VPS54: variants seen among roughly 807,000 people sequenced by gnomAD.
The protein encoded by VPS54 is VPS54 subunit of GARP complex, also known as vacuolar protein sorting-associated protein 54.
Under a neutral mutation model 121.5 loss-of-function variants are expected in VPS54, and 45 were observed. The ratio of observed to expected loss-of-function variants is 0.37; its 90% CI spans 0.29 to 0.47. VPS54 has a LOEUF of 0.47. VPS54 is among the 20% of genes least tolerant of loss of function. The pLI, the probability that VPS54 is intolerant of heterozygous loss-of-function variation, is 0.99. For synonymous variants in VPS54, 371 were observed against 385.8 expected (o/e 0.96, Z 0.45); for missense variants, 1,090 against 1,131.4 (o/e 0.96, Z 0.52).
intron 7 of VPS54, among the ~76,000 whole-genome samples, chr2:63,959,753 G>C (rs982844868): frequency 6.6e-6 from 1 of 152,100 alleles, no homozygotes; most frequent in African/African-American, 2.4e-5. Flanking sequence ...AGGCACGGTA[G>C]CTCACACTTG....
chr2:63,987,809 G>A (rs1234828339), intron 1 of VPS54, among the ~76,000 whole-genome samples: 1 of 151,994 alleles, frequency 6.6e-6, no homozygotes, highest in African/African-American at 2.4e-5. Context: ...TTACTTTCTT[G>A]ATTTCTTTTT....
intron 16 of VPS54, among the ~76,000 whole-genome samples, chr2:63,914,720 A>G (rs1021987236): frequency 1.3e-5 from 2 of 152,146 alleles, no homozygotes; most frequent in East Asian, 3.8e-4. Context: ...GTCCTCCATC[A>G]TAACTAATGA....
intron 11 of VPS54, among the ~76,000 whole-genome samples, chr2:63,941,768 C>T (rs1674741440): frequency 6.6e-6 from 1 of 152,108 alleles, no homozygotes; most frequent in South Asian, 2.1e-4. Flanking sequence ...GGCACAGTGG[C>T]TCACACCTAT....
At position 63,981,988 on chromosome 2, in the gene VPS54, G is replaced by A. The variant is rs1327696375; in HGVS notation, c.137-101C>T. 5.4e-5 allele frequency: 66 copies of A among 1,227,380 alleles called. 1 individual carries two copies. The highest frequency in any genetic ancestry group is 4.9e-4 in the South Asian group (26 of 53,374). The allele number at this position is 1,227,380 out of a possible 1,614,324, so 76.0% of individuals were successfully genotyped here. On this transcript the variant is annotated intron_variant, in intron 2 of 22. Coordinates refer to ENST00000272322, the MANE Select transcript of VPS54 (RefSeq NM_016516.3). ...TAAAAATGCACAGATTCCATCTTAC[G>A]CAAACCAACTAATCTTCCACAGTAA...
intron 11 of VPS54, among the ~76,000 whole-genome samples, chr2:63,937,689 T>A (rs1674514018): frequency 6.6e-6 from 1 of 152,200 alleles, no homozygotes; most frequent in Non-Finnish European, 1.5e-5. Flanking sequence ...GATATTTGCA[T>A]ATGCATGTTC....
intron 2 of VPS54, 36 bp from the exon 3 acceptor site, chr2:63,981,923 G>A: frequency 6.4e-7 from 1 of 1,571,836 alleles, no homozygotes; most frequent in Non-Finnish European, 8.6e-7. Context: ...TGTAAATGCT[G>A]TAAAATTGGT....
rs1427163274 is a variant in VPS54 at position 63,933,890 on chromosome 2, C to T, written c.1522G>A (p.Val508Met). 3.1e-6 allele frequency: 5 copies of T among 1,613,766 alleles called. No homozygotes were observed. The highest frequency in any genetic ancestry group is 4.2e-6 in the Non-Finnish European group (5 of 1,179,818). Residue 508 changes from valine (V) to methionine (M), a missense_variant, in exon 12 of 23, where the codon GTG (valine) becomes ATG (methionine). Val to Met is a conservative substitution (Grantham distance 21). Around this residue, in one of 2 missense-constraint regions of VPS54, gnomAD observed 801 missense variants for 757.0 expected, o/e 1.06. Coordinates refer to ENST00000272322, the MANE Select transcript of VPS54 (RefSeq NM_016516.3). Reference protein sequence around the residue: ...AAKDNSLDTEVAYLIHEGMFI... With the variant: ...AAKDNSLDTEMAYLIHEGMFI... ...ATGCCTTCATGGATTAAATAAGCCA[C>T]CTCTGTGTCCAGTGAATTATCTTTT...
At chr2:63,906,372 T>C (rs1319145505) in intron 20 of VPS54, among the ~76,000 whole-genome samples, 2 of 152,198 alleles carry the variant, frequency 1.3e-5, no homozygotes, top group African/African-American at 4.8e-5. Context: ...TGTTTCAATA[T>C]ATTAGCATTG....
intron 1 of VPS54, among the ~76,000 whole-genome samples, chr2:64,002,384 G>A (rs948120743): frequency 1.3e-5 from 2 of 152,148 alleles, no homozygotes; most frequent in African/African-American, 2.4e-5. Context: ...CTATGGAGGG[G>A]GACATCCAGT....
intron 16 of VPS54, among the ~76,000 whole-genome samples, chr2:63,916,543 T>A (rs562603351): frequency 9.9e-5 from 15 of 152,128 alleles, no homozygotes; most frequent in Non-Finnish European, 1.9e-4. Flanking sequence ...TAAACTATTA[T>A]GCTATAATAC....
At chr2:63,987,932 G>T (rs572799426) in intron 1 of VPS54, among the ~76,000 whole-genome samples, 2 of 151,972 alleles carry the variant, frequency 1.3e-5, no homozygotes, top group African/African-American at 4.8e-5. Context: ...GAATTCTTTA[G>T]GTTTATCCAA....
intron 20 of VPS54, among the ~76,000 whole-genome samples, chr2:63,902,954 TGA>T (rs1467027158): frequency 6.6e-6 from 1 of 151,174 alleles, no homozygotes; most frequent in African/African-American, 2.4e-5. Flanking sequence ...GGCGAAAGAG[TGA>T]GACTGTCTCA....
chr2:63,990,334 C>G (rs1677259532), intron 1 of VPS54, among the ~76,000 whole-genome samples: 1 of 151,962 alleles, frequency 6.6e-6, no homozygotes, highest in Admixed American at 6.6e-5. Flanking sequence ...GGCCACGACT[C>G]AGACAGCCCG....
At chr2:63,973,670 A>G (rs1316972613) in intron 3 of VPS54, among the ~76,000 whole-genome samples, 1 of 152,154 alleles carries the variant, frequency 6.6e-6, no homozygotes, top group Non-Finnish European at 1.5e-5. Flanking sequence ...CCTCCAGAGC[A>G]GCTAGGACTA....
At chr2:63,937,339 T>A (rs1674499598) in intron 11 of VPS54, among the ~76,000 whole-genome samples, 1 of 151,512 alleles carries the variant, frequency 6.6e-6, no homozygotes, top group Non-Finnish European at 1.5e-5. Context: ...AATAGGCAAA[T>A]AAAATATTTT....
chr2:64,019,405 G>T lies in VPS54; in HGVS notation c.-488C>A, dbSNP rs1033547821. On this transcript the variant is annotated 5_prime_UTR_variant, in exon 1 of 23. Transcript: ENST00000272322. ...GTGCGGGGAGACAGCGCCGGAGGCC[G>T]CCGCAGCCCCCAGCCCACAATCCAC... 2.6e-5 allele frequency among the ~76,000 whole-genome samples: 4 copies of T among 151,130 alleles called. No individual in the cohort carries two copies. Among genetic ancestry groups the T allele is most frequent in the African/African-American group, 9.7e-5 (4 of 41,324 alleles).
chr2:63,919,053 T>C (rs192124448), intron 15 of VPS54, among the ~76,000 whole-genome samples: 1 of 152,222 alleles, frequency 6.6e-6, no homozygotes, highest in African/African-American at 2.4e-5. Flanking sequence ...AAATCTGAAA[T>C]AGTTCAACTA....
At chr2:63,908,601 G>T (rs60115504) in intron 20 of VPS54, among the ~76,000 whole-genome samples, 1 of 152,024 alleles carries the variant, frequency 6.6e-6, no homozygotes, top group South Asian at 2.1e-4. Context: ...TAGTCACAGC[G>T]CTCTATTATC....
chr2:63,913,377 G>T, intron 17 of VPS54, 67 bp from the exon 18 acceptor site: 1 of 1,191,992 alleles, frequency 8.4e-7, no homozygotes, highest in Non-Finnish European at 1.2e-6. Flanking sequence ...CTGGCAATGT[G>T]CTATTATAAA....
Sources: gnomAD v4.1 joint callset for allele counts (sites outside exome capture counted in the v4.1 genomes callset) on GRCh38, gnomAD v4.1.1 for gene constraint, gnomAD v4.1.1 regional missense constraint, MANE v1.5 for transcripts, NCBI Gene and HGNC (gene_info 2026-07-23, HGNC 2026-07-21) for gene names.